The following SRP9 variants were observed in gnomAD, a reference collection of about 807,000 sequenced individuals.
SRP9 encodes the protein signal recognition particle 9 kDa protein.
In SRP9, 2 loss-of-function variants were observed where a neutral mutation model predicts 11.7. The observed-to-expected ratio is 0.17, with a 90% CI of 0.07 to 0.54. The LOEUF (loss-of-function observed/expected upper bound fraction) is 0.54. SRP9 is among the 20% of genes least tolerant of loss of function. SRP9 has a pLI of 0.94. For missense variants in SRP9, 54 were observed against 108.1 expected, an observed-to-expected ratio of 0.50 and a Z score of 2.22; for synonymous variants, 27 against 35.6, an observed-to-expected ratio of 0.76 and a Z score of 0.86.
rs372751098 is a variant in SRP9 at position 225,785,892 on chromosome 1, A to G, written c.141+2524A>G. 1.6e-4 allele frequency among the ~76,000 whole-genome samples: 24 copies of G among 152,000 alleles called. 1 individual carries two copies. Among genetic ancestry groups the G allele is most frequent in the East Asian group, 1.4e-3 (7 of 5,136 alleles). On this transcript the variant is annotated intron_variant, in intron 2 of 2. Transcript: ENST00000304786. The stretch of plus-strand genomic sequence containing the variant: ...GAGATGAGATTTCACCATGTCGCCC[A>G]GGCGGCTGGAGTTGAACTCCTGACC...
chr1:225,785,014 A>G (rs751057115), intron 2 of SRP9, among the ~76,000 whole-genome samples: 19 of 151,888 alleles, frequency 1.3e-4, no homozygotes, highest in Non-Finnish European at 2.4e-4. Flanking sequence ...GGCTTCAAGC[A>G]GTCCTCCCAC....
At chr1:225,778,083 G>T (rs888359812) in intron 1 of SRP9, 71 bp downstream of exon 1, 1 of 1,560,308 alleles carries the variant, frequency 6.4e-7, no homozygotes, top group Non-Finnish European at 8.8e-7. Context: ...CTCGGCCCCT[G>T]GAGCTTCCCC....
chr1:225,778,480 T>C lies in SRP9; in HGVS notation c.72+468T>C, dbSNP rs147837433. Among the ~76,000 whole-genome samples the C allele has an allele frequency of 1.2e-4, 19 of 152,362 alleles. No homozygotes were observed. The East Asian group carries it at 3.5e-3, about 28-fold the overall frequency. ...GGAAGCATCTGTACCCCCCAGAATA[T>C]TGGTTCTTAGTATTTTGGGAGTCAC... is the stretch of plus-strand genomic sequence containing the variant. On this transcript the variant is annotated intron_variant, in intron 1 of 2. Coordinates refer to ENST00000304786, the MANE Select transcript of SRP9 (RefSeq NM_003133.6).
In SRP9 at chr1:225,790,254, A is replaced by G. The variant is rs914154173; in HGVS notation, c.*895A>G. 1 of 152,260 alleles carries G rather than the reference A, an allele frequency of 6.6e-6. No homozygotes were observed. The highest frequency in any genetic ancestry group is 1.5e-5 in the Non-Finnish European group (1 of 68,044). 9.4% of individuals were successfully genotyped at this position (152,260 alleles called of 1,614,324 possible). ...TGTCACAACTGTTATGTTTTCCAGTAAACTAGAAGTACGATATTTGATAAT... is the reference window on the plus strand; with the variant it reads ...TGTCACAACTGTTATGTTTTCCAGTGAACTAGAAGTACGATATTTGATAAT... On this transcript the variant is annotated 3_prime_UTR_variant, in exon 3 of 3. Transcript: ENST00000304786.
intron 2 of SRP9, 124 bp from the exon 3 acceptor site, chr1:225,789,116 T>G (rs1559007050): frequency 6.4e-7 from 1 of 1,551,542 alleles, no homozygotes; most frequent in Admixed American, 2.0e-5. Context: ...TAGTACGACC[T>G]CCAAGGAGAA....
At chr1:225,781,557 G>A (rs1445808609) in intron 1 of SRP9, among the ~76,000 whole-genome samples, 1 of 151,760 alleles carries the variant, frequency 6.6e-6, no homozygotes, top group Non-Finnish European at 1.5e-5. Context: ...CCACCACCAT[G>A]CCCAGCTAAT....
chr1:225,783,428 T>C, intron 2 of SRP9, 60 bp downstream of exon 2: 2 of 1,362,344 alleles, frequency 1.5e-6, no homozygotes, highest in Non-Finnish European at 2.1e-6. Flanking sequence ...ATTATTTGTT[T>C]GAAATTATTT....
chr1:225,781,285 A>G (rs1366588409), intron 1 of SRP9, among the ~76,000 whole-genome samples: 7 of 151,564 alleles, frequency 4.6e-5, no homozygotes, highest in Admixed American at 3.9e-4. Flanking sequence ...TTTTTGGTAA[A>G]GAACCTTGAT....
intron 1 of SRP9, among the ~76,000 whole-genome samples, chr1:225,782,833 A>G (rs902410735): frequency 2.0e-5 from 3 of 152,186 alleles, no homozygotes; most frequent in Non-Finnish European, 4.4e-5. Context: ...AGATTTGTGG[A>G]AAAATGGAAA....
At chr1:225,785,642 A>G (rs1665893394) in intron 2 of SRP9, among the ~76,000 whole-genome samples, 1 of 148,184 alleles carries the variant, frequency 6.7e-6, no homozygotes, top group South Asian at 2.1e-4. Flanking sequence ...GGCCTCCCAA[A>G]GTGTTGGGAT....
At chr1:225,778,903 A>C (rs1394549312) in intron 1 of SRP9, among the ~76,000 whole-genome samples, 1 of 152,044 alleles carries the variant, frequency 6.6e-6, no homozygotes, top group Non-Finnish European at 1.5e-5. Flanking sequence ...GTTTGTTGTA[A>C]CTCAGTTATC....
At chr1:225,778,644 T>A (rs562403386) in intron 1 of SRP9, among the ~76,000 whole-genome samples, 1 of 152,366 alleles carries the variant, frequency 6.6e-6, no homozygotes, top group South Asian at 2.1e-4. Flanking sequence ...ACAAAAATTA[T>A]AATGGAGGTG....
chr1:225,789,173 G>A, intron 2 of SRP9, 67 bp from the exon 3 acceptor site: 1 of 1,564,308 alleles, frequency 6.4e-7, no homozygotes, highest in Non-Finnish European at 8.7e-7. Flanking sequence ...TTACCCAATT[G>A]TATGTTTTCT....
intron 2 of SRP9, among the ~76,000 whole-genome samples, chr1:225,788,780 C>A (rs1559006943): frequency 6.6e-6 from 1 of 151,964 alleles, no homozygotes; most frequent in Non-Finnish European, 1.5e-5. Context: ...AGATTTTTTT[C>A]TAAAAATTAT....
intron 2 of SRP9, among the ~76,000 whole-genome samples, chr1:225,787,470 G>C (rs1379069414): frequency 2.0e-5 from 3 of 152,090 alleles, no homozygotes; most frequent in Non-Finnish European, 4.4e-5. Flanking sequence ...GGAGGCAGAG[G>C]TTGCAATGAG....
chr1:225,782,444 G>A (rs1202175508), intron 1 of SRP9, among the ~76,000 whole-genome samples: 2 of 152,144 alleles, frequency 1.3e-5, no homozygotes, highest in East Asian at 1.9e-4. Flanking sequence ...GATTACAGGC[G>A]TGAGCCACCG....
chr1:225,779,501 G>A (rs1213928898), intron 1 of SRP9, among the ~76,000 whole-genome samples: 1 of 152,174 alleles, frequency 6.6e-6, no homozygotes, highest in East Asian at 1.9e-4. Flanking sequence ...TATGAATTAT[G>A]TTTTAAGTGT....
chr1:225,777,865 G>T lies in SRP9; in HGVS notation c.-76G>T. The T allele has an allele frequency of 6.3e-6, 9 of 1,425,622 alleles. No individual in the cohort carries two copies. The highest frequency in any genetic ancestry group is 2.4e-5 in the South Asian group (2 of 83,668). The allele number at this position is 1,425,622 out of a possible 1,614,324, so 88.3% of individuals were successfully genotyped here. On this transcript the variant is annotated 5_prime_UTR_variant, in exon 1 of 3. Coordinates refer to ENST00000304786, the MANE Select transcript of SRP9 (RefSeq NM_003133.6). Reference sequence around the variant, plus strand: ...GCTGCTGGGACTCGCGTCGGTTGGCGACTCCCGGACGTAGGTAGTTTGTTG... The same window carrying T: ...GCTGCTGGGACTCGCGTCGGTTGGCTACTCCCGGACGTAGGTAGTTTGTTG...
At chr1:225,783,496 TGAA>T in intron 2 of SRP9, 128 bp downstream of exon 2, 1 of 722,038 alleles carries the variant, frequency 1.4e-6, no homozygotes. Flanking sequence ...CATTTAAAGA[TGAA>T]GAACCTCATT....
Sources: allele counts gnomAD v4.1 joint callset (sites outside exome capture counted in the v4.1 genomes callset), GRCh38; gene constraint gnomAD v4.1.1; transcripts MANE v1.5; gene names NCBI Gene and HGNC (gene_info 2026-07-23, HGNC 2026-07-21).